CENPT: variants seen among roughly 807,000 people sequenced by gnomAD.
The protein encoded by CENPT is centromere protein T.
Under a neutral mutation model 59.7 loss-of-function variants are expected in CENPT, and 42 were observed. That is an observed-to-expected ratio of 0.70 (90% CI 0.55 to 0.91). CENPT has a LOEUF of 0.91. Among genes scored for constraint, CENPT ranks in the 40% least tolerant of loss-of-function variants. The pLI, the probability that CENPT is intolerant of heterozygous loss-of-function variation, is 0.00. For synonymous variants in CENPT, 295 were observed against 289.6 expected (o/e 1.02, Z -0.19); for missense variants, 716 against 713.4 (o/e 1.00, Z -0.04).
At position 67,830,007 on chromosome 16, in the gene CENPT, C is replaced by G; in HGVS notation, c.944G>C (p.Ser315Thr). 6.2e-7 allele frequency: 1 copy of G among 1,614,282 alleles called. No homozygotes were observed. The highest frequency in any genetic ancestry group is 8.5e-7 in the Non-Finnish European group (1 of 1,180,050). ...AFALGFLSTS[S>T]GVSGEDEVEP... ...TACTTCATCTTCTCCAGAGACACCA[C>G]TGCTGGTGCTCAGGAAGCCCAGAGC... The change falls in exon 12 of 16, where the codon AGT becomes ACT. Residue 315 changes from serine (S) to threonine (T), a missense_variant. Coordinates refer to ENST00000562787, the MANE Select transcript of CENPT (RefSeq NM_025082.4).
At chr16:67,830,302 C>T (rs2057673596) in intron 11 of CENPT, 88 bp downstream of exon 11, 1 of 1,499,920 alleles carries the variant, frequency 6.7e-7, no homozygotes, top group Non-Finnish European at 9.0e-7. Context: ...GCTCTAGGGG[C>T]ACAGAGGGGC....
In CENPT at chr16:67,842,514, G is replaced by C; in HGVS notation, c.-492+4887C>G. On this transcript the variant is annotated intron_variant, in intron 1 of 15. Coordinates refer to ENST00000562787, the MANE Select transcript of CENPT (RefSeq NM_025082.4). This position sits in a 1 kb window ranked among gnomAD's most constrained non-coding sequence, Gnocchi z 4.9. ...CGTAGCCACTGGGCCGTCGAAGAGC[G>C]CAGGAGGCCGGTGGGCCGGGCCGGG... 1 of 1,461,178 alleles carries C rather than the reference G, an allele frequency of 6.8e-7. No individual in the cohort carries two copies. The highest frequency in any genetic ancestry group is 2.5e-5 in the East Asian group (1 of 39,762). 90.5% of individuals were successfully genotyped at this position (1,461,178 alleles called of 1,614,324 possible).
Position 67,842,516 on chromosome 16 carries a change from A to T in CENPT, c.-492+4885T>A. 6.8e-7 allele frequency: 1 copy of T among 1,461,440 alleles called. No individual in the cohort carries two copies. The highest frequency in any genetic ancestry group is 9.0e-7 in the Non-Finnish European group (1 of 1,106,668). 90.5% of individuals were successfully genotyped at this position (1,461,440 alleles called of 1,614,324 possible). ...TAGCCACTGGGCCGTCGAAGAGCGC[A>T]GGAGGCCGGTGGGCCGGGCCGGGCC... On this transcript the variant is annotated intron_variant, in intron 1 of 15. Transcript: ENST00000562787. The surrounding 1 kb of genome is among the most constrained non-coding windows in gnomAD (Gnocchi z 4.9).
intron 4 of CENPT, 105 bp from the exon 5 acceptor site, chr16:67,832,650 G>T: frequency 1.0e-6 from 1 of 1,002,658 alleles, no homozygotes; most frequent in African/African-American, 1.6e-5. Flanking sequence ...TTTTCCCTCA[G>T]GGCTAGGGAC....
intron 8 of CENPT, 63 bp from the exon 9 acceptor site, chr16:67,831,675 A>G: frequency 4.4e-6 from 7 of 1,608,792 alleles, no homozygotes; most frequent in Non-Finnish European, 4.2e-6. Context: ...CAGGCCTGTG[A>G]GGGCCCTCTC....
At chr16:67,837,243 G>T (rs1221006335) in intron 1 of CENPT, among the ~76,000 whole-genome samples, 4 of 151,694 alleles carry the variant, frequency 2.6e-5, no homozygotes, top group African/African-American at 9.7e-5. Context: ...TGGGATCACA[G>T]GTCACTGAAG....
chr16:67,843,096 C>T lies in CENPT; in HGVS notation c.-492+4305G>A, dbSNP rs762090901. ...GTACAGCCGGCGCCCATCACTCCCA[C>T]TGGAGAAGACGTGAAGCCCATCGAT... On this transcript the variant is annotated intron_variant, in intron 1 of 15. Transcript: ENST00000562787. This position sits in a 1 kb window ranked among gnomAD's most constrained non-coding sequence, Gnocchi z 5.7. 29 of 1,611,088 alleles carry T rather than the reference C, an allele frequency of 1.8e-5. No individual in the cohort carries two copies. The highest frequency in any genetic ancestry group is 1.9e-5 in the Non-Finnish European group (22 of 1,179,994).
In CENPT at chr16:67,843,583, T is replaced by C; in HGVS notation, c.-492+3818A>G. ...CCATTGTTGAACTCCTCTATACTCC[T>C]GGGCACTGGTTGACAGTACTGAGGC... On this transcript the variant is annotated intron_variant, in intron 1 of 15. Transcript: ENST00000562787. This position sits in a 1 kb window ranked among gnomAD's most constrained non-coding sequence, Gnocchi z 5.7. 1 of 1,383,312 alleles carries C rather than the reference T, an allele frequency of 7.2e-7. No individual in the cohort carries two copies. The allele number at this position is 1,383,312 out of a possible 1,614,324, so 85.7% of individuals were successfully genotyped here. A position where few individuals can be genotyped will look rare whatever the true frequency, so the allele number is the denominator to read the frequency against.
intron 13 of CENPT, 29 bp downstream of exon 13, chr16:67,829,394 C>A: frequency 6.4e-7 from 1 of 1,553,986 alleles, no homozygotes; most frequent in Non-Finnish European, 8.7e-7. Flanking sequence ...CCCAAGAGGC[C>A]CATGAGGAAT....
At chr16:67,834,754 A>G (rs1267813587) in intron 3 of CENPT, among the ~76,000 whole-genome samples, 1 of 152,256 alleles carries the variant, frequency 6.6e-6, no homozygotes, top group African/African-American at 2.4e-5. Context: ...ATCTCCAAAC[A>G]CGAGCAATTT....
chr16:67,831,920 C>T (rs367603713), intron 7 of CENPT, 30 bp from the exon 8 acceptor site: 259 of 1,602,090 alleles, frequency 1.6e-4, no homozygotes, highest in Non-Finnish European at 2.2e-4. Flanking sequence ...CTCAGACAGG[C>T]CAGGAAGTCC....
At chr16:67,844,284 G>A (rs1258654873) in intron 1 of CENPT, 1 of 157,190 alleles carries the variant, frequency 6.4e-6, no homozygotes, top group Non-Finnish European at 1.5e-5. Flanking sequence ...TGAAAGACCA[G>A]GCTGACCCTG....
chr16:67,831,732 A>C (rs776816049), intron 8 of CENPT, 22 bp downstream of exon 8: 56 of 1,582,496 alleles, frequency 3.5e-5, no homozygotes, highest in Non-Finnish European at 9.4e-6. Flanking sequence ...GAGGGTAGCA[A>C]AAGTGGTGTC....
Position 67,832,481 on chromosome 16 carries a change from C to T in CENPT, c.175G>A (p.Ala59Thr), listed in dbSNP as rs2057702733. The change falls in exon 5 of 16, where the codon GCC becomes ACC. Residue 59 changes from alanine (A) to threonine (T), a missense_variant. Transcript: ENST00000562787. ...RKLSGQTRTI[A>T]RGRSHGARSV... ...CTGGCTCCATGGGAACGCCCTCTGG[C>T]TATCGTCCTTGTTTGGCCACTCAAC... 1 of 1,614,204 alleles carries T rather than the reference C, an allele frequency of 6.2e-7. No individual in the cohort carries two copies. The highest frequency in any genetic ancestry group is 1.1e-5 in the South Asian group (1 of 91,078).
intron 1 of CENPT, among the ~76,000 whole-genome samples, 170 bp from the exon 2 acceptor site, chr16:67,835,828 G>GT (rs368629793): frequency 7.9e-4 from 116 of 147,472 alleles, no homozygotes; most frequent in African/African-American, 1.6e-3. Context: ...CCTAAATGCA[G>GT]TTTTTTTTTT....
rs535309066 is a variant in CENPT at position 67,828,309 on chromosome 16, G to T, written c.1644C>A (p.Ile548=). ...HLPLEYRQLL[I]PCAYSGNSVF... ...CAGAGTTGCCACTGTATGCACAGGG[G>T]ATGAGCAGCTGCCGGTACTCCAGGG... Residue 548 remains isoleucine, a synonymous_variant, in exon 16 of 16, where the codon ATC becomes ATA. Transcript: ENST00000562787. The T allele has an allele frequency of 1.2e-4, 201 of 1,608,792 alleles. 1 individual carries two copies. The South Asian group carries it at 1.8e-3, about 14-fold the overall frequency.
intron 1 of CENPT, among the ~76,000 whole-genome samples, chr16:67,839,965 T>A (rs1392102654): frequency 3.3e-5 from 5 of 152,358 alleles, no homozygotes; most frequent in African/African-American, 1.2e-4. Context: ...GCATATCTTT[T>A]ACCAGGGGCT....
Position 67,833,676 on chromosome 16 carries a change from A to C in CENPT, c.110+74T>G. 3 of 891,174 alleles carry C rather than the reference A, an allele frequency of 3.4e-6. No homozygotes were observed. The South Asian group carries it at 6.1e-5, about 18-fold the overall frequency. 55.2% of individuals were successfully genotyped at this position (891,174 alleles called of 1,614,324 possible). A position where few individuals can be genotyped will look rare whatever the true frequency, so the allele number is the denominator to read the frequency against. On this transcript the variant is annotated intron_variant, in intron 4 of 15. Transcript: ENST00000562787. ...CAGTTTTCCTCTTCGAACAGAGTCG[A>C]CGCTGGGTTCCACCCAGACCCCACT... is the stretch of plus-strand genomic sequence containing the variant.
chr16:67,836,082 T>C (rs1252607519), intron 1 of CENPT, among the ~76,000 whole-genome samples: 1 of 151,410 alleles, frequency 6.6e-6, no homozygotes, highest in East Asian at 2.0e-4. Flanking sequence ...TTTTTTGAGA[T>C]GGAGTCTCAC....
Sources: allele counts gnomAD v4.1 joint callset (sites outside exome capture counted in the v4.1 genomes callset), GRCh38; gene constraint gnomAD v4.1.1; non-coding constraint Gnocchi (gnomAD v3.1); transcripts MANE v1.5; gene names NCBI Gene and HGNC (gene_info 2026-07-23, HGNC 2026-07-21).